ZFP64: variants seen among roughly 807,000 people sequenced by gnomAD.
ZFP64 encodes the protein ZFP64 zinc finger protein.
Under a neutral mutation model 51.6 loss-of-function variants are expected in ZFP64, and 14 were observed. The observed-to-expected ratio is 0.27, with a 90% confidence interval of 0.18 to 0.42. ZFP64 has a LOEUF of 0.42. Among genes scored for constraint, ZFP64 ranks in the 10% least tolerant of loss-of-function variants. The probability of loss-of-function intolerance (pLI) is 1.00; values close to 1 mark genes in which losing one functional copy is unlikely to be tolerated. For synonymous variants in ZFP64, 375 were observed against 361.4 expected (o/e 1.04, Z -0.43); for missense variants, 754 against 906.8 (o/e 0.83, Z 2.16).
chr20:52,171,570 A>G (rs2123060981), intron 2 of ZFP64, among the ~76,000 whole-genome samples: 1 of 151,374 alleles, frequency 6.6e-6, no homozygotes, highest in South Asian at 2.1e-4. Context: ...GCTCACTGCA[A>G]CCTCCGCCTC....
At position 52,085,126 on chromosome 20, in the gene ZFP64, G is replaced by A. The variant is rs2078850699; in HGVS notation, c.1369C>T (p.Leu457Phe). The A allele has an allele frequency of 1.1e-5, 18 of 1,614,260 alleles. No individual in the cohort carries two copies. The highest frequency in any genetic ancestry group is 1.5e-5 in the Non-Finnish European group (18 of 1,180,050). The stretch of plus-strand genomic sequence containing the variant: ...TGCTTGATGCGGATGTGCGATTTGA[G>A]ATTCGCCTTCATGGTGCAGCGGACG... The change falls in exon 9 of 9, where the codon CTC becomes TTC. Residue 457 changes from leucine (L) to phenylalanine (F), a missense_variant. Physicochemically the swap from Leu to Phe is conservative, Grantham distance 22 (BLOSUM62 0). Transcript: ENST00000361387. This position sits in a 1 kb window ranked among gnomAD's most constrained non-coding sequence, Gnocchi z 4.3.
chr20:52,182,328 CT>C (rs1231859110), intron 2 of ZFP64, among the ~76,000 whole-genome samples: 1 of 152,128 alleles, frequency 6.6e-6, no homozygotes, highest in Non-Finnish European at 1.5e-5. Context: ...CAGGACTGGC[CT>C]GAGCATTCAG....
intron 7 of ZFP64, among the ~76,000 whole-genome samples, chr20:52,091,001 A>T (rs973565407): frequency 6.9e-6 from 1 of 145,186 alleles, no homozygotes; most frequent in Non-Finnish European, 1.5e-5. Flanking sequence ...GCTACTTGGG[A>T]GGCTCAGGTG....
rs1207445972 is a variant in ZFP64, at chr20:52,162,411, G to C, written c.512-2037C>G. Among the ~76,000 whole-genome samples, 3 of 151,904 alleles carry C rather than the reference G, an allele frequency of 2.0e-5. No homozygotes were observed. In the East Asian group the frequency reaches 5.8e-4, roughly 29 times the overall value. Reference sequence around the variant, plus strand: ...GGAGGCCGAGGCGGGCGGATCATGAGGTCAGGAGATCAAGACCATCGTGGC... The same window carrying C: ...GGAGGCCGAGGCGGGCGGATCATGACGTCAGGAGATCAAGACCATCGTGGC... On this transcript the variant is annotated intron_variant, in intron 4 of 5. Coordinates refer to ENST00000216923, the MANE Select transcript of ZFP64 (RefSeq NM_018197.3).
intron 8 of ZFP64, among the ~76,000 whole-genome samples, chr20:52,086,478 ATTTTTT>A (rs11476509): frequency 7.0e-6 from 1 of 142,564 alleles, no homozygotes; most frequent in South Asian, 2.2e-4. Flanking sequence ...TTCACAAGGA[ATTTTTT>A]TTTTTTTTTT....
In ZFP64 at chr20:52,084,732, G is replaced by A. The variant is rs754342890; in HGVS notation, c.1763C>T (p.Ser588Phe). Reference sequence around the variant, plus strand: ...TCTCAGAGAGTCATCCCTGACGAAGGAGGCGCCGCAGGTCTCACAGCGGAA... The same window carrying A: ...TCTCAGAGAGTCATCCCTGACGAAGAAGGCGCCGCAGGTCTCACAGCGGAA... The change falls in exon 9 of 9, where the codon TCC becomes TTC. Residue 588 changes from serine (S) to phenylalanine (F), a missense_variant. Coordinates refer to the ZFP64 transcript ENST00000361387. 1 of 1,614,236 alleles carries A rather than the reference G, an allele frequency of 6.2e-7. No individual in the cohort carries two copies. Among genetic ancestry groups the A allele is most frequent in the East Asian group, 2.2e-5 (1 of 44,884 alleles).
chr20:52,088,370 G>C, intron 8 of ZFP64: 1 of 1,610,228 alleles, frequency 6.2e-7, no homozygotes, highest in Non-Finnish European at 8.5e-7. Context: ...AAGGGATTGA[G>C]GTTTCCTGGT....
At position 52,151,391 on chromosome 20, in the gene ZFP64, T is replaced by C. The variant is rs1318343909; in HGVS notation, c.*755A>G. 1 of 985,316 alleles carries C rather than the reference T, an allele frequency of 1.0e-6. No homozygotes were observed. Among genetic ancestry groups the C allele is most frequent in the African/African-American group, 1.7e-5 (1 of 57,236 alleles). The allele number at this position is 985,316 out of a possible 1,614,324, so 61.0% of individuals were successfully genotyped here. ...GTCATATTATGTAGAAAATGGTCCT[T>C]CATGCCAACAGACTTACATGTATAA... On this transcript the variant is annotated 3_prime_UTR_variant, in exon 6 of 6. Transcript: ENST00000216923.
chr20:52,092,021 T>C (rs1349197660), intron 7 of ZFP64, among the ~76,000 whole-genome samples: 1 of 151,944 alleles, frequency 6.6e-6, no homozygotes, highest in East Asian at 1.9e-4. Flanking sequence ...ACCTATAGTC[T>C]ATAATGGCTT....
At chr20:52,167,751 C>T (rs1037883838) in intron 2 of ZFP64, among the ~76,000 whole-genome samples, 8 of 152,258 alleles carry the variant, frequency 5.3e-5, no homozygotes, top group Admixed American at 1.3e-4. Context: ...TATTCTGTTT[C>T]CCAAACTTCA....
At chr20:52,095,383 C>T (rs566714222) in intron 7 of ZFP64, among the ~76,000 whole-genome samples, 9 of 152,250 alleles carry the variant, frequency 5.9e-5, no homozygotes, top group Admixed American at 3.3e-4. Context: ...CAGCCTGGGT[C>T]CCTGAGACCA....
intron 2 of ZFP64, among the ~76,000 whole-genome samples, chr20:52,180,785 T>C (rs943606984): frequency 1.3e-5 from 2 of 152,146 alleles, no homozygotes; most frequent in African/African-American, 4.8e-5. Context: ...TTCATTTTAC[T>C]ATTGTGGAAA....
At chr20:52,130,374 C>T (rs67262858) in intron 5 of ZFP64, among the ~76,000 whole-genome samples, 30,352 of 151,956 alleles carry the variant, frequency 0.2, 3,310 homozygotes, top group Admixed American at 0.26. Context: ...CCACCATACC[C>T]GACTAATCTT....
At chr20:52,143,221 C>A (rs1375223857) in intron 5 of ZFP64, among the ~76,000 whole-genome samples, 2 of 142,692 alleles carry the variant, frequency 1.4e-5, no homozygotes, top group Admixed American at 7.3e-5. Context: ...GGTCTGGAAC[C>A]AAACTCACAA....
intron 5 of ZFP64, among the ~76,000 whole-genome samples, chr20:52,109,970 A>C (rs775191192): frequency 1.3e-5 from 2 of 152,000 alleles, no homozygotes; most frequent in Non-Finnish European, 2.9e-5. Flanking sequence ...TTACTTCTTC[A>C]TTCTTCATAT....
intron 5 of ZFP64, among the ~76,000 whole-genome samples, chr20:52,155,096 C>T (rs1555328): frequency 6.6e-6 from 1 of 151,912 alleles, no homozygotes; most frequent in African/African-American, 2.4e-5. Context: ...ATAGTTATTA[C>T]AGAGAAAAAA....
At position 52,105,124 on chromosome 20, in the gene ZFP64, C is replaced by A. The variant is rs748078538; in HGVS notation, c.764-6537G>T. 6 of 1,418,160 alleles carry A rather than the reference C, an allele frequency of 4.2e-6. No homozygotes were observed. The Admixed American group carries it at 1.6e-4, about 38-fold the overall frequency. 87.8% of individuals were successfully genotyped at this position (1,418,160 alleles called of 1,614,324 possible). ...GCCCCCGGGCGGGGCTCCAGCGGCG[C>A]TACTCACCCGGCTCCCCCGCCACCT... On this transcript the variant is annotated intron_variant, in intron 5 of 8. Coordinates refer to the ZFP64 transcript ENST00000361387.
intron 1 of ZFP64, among the ~76,000 whole-genome samples, chr20:52,187,392 C>T (rs977086321): frequency 1.3e-5 from 2 of 151,986 alleles, no homozygotes; most frequent in East Asian, 1.9e-4. Context: ...GAGGCTGAGG[C>T]GGGCGGATCA....
rs2123134080 is a variant in ZFP64, at chr20:52,187,131, G to A, written c.47-60C>T. On this transcript the variant is annotated intron_variant, in intron 1 of 5. Transcript: ENST00000216923. ...CCAAACAGCTTTGAATTGTAATGCA[G>A]ACCAGATTCATGGTAGGAAGAAAAG... 3 of 1,539,364 alleles carry A rather than the reference G, an allele frequency of 1.9e-6. No individual in the cohort carries two copies. The South Asian group carries it at 3.6e-5, about 19-fold the overall frequency.
Sources: allele counts gnomAD v4.1 joint callset (sites outside exome capture counted in the v4.1 genomes callset), GRCh38; gene constraint gnomAD v4.1.1; non-coding constraint Gnocchi (gnomAD v3.1); transcripts MANE v1.5; gene names NCBI Gene and HGNC (gene_info 2026-07-23, HGNC 2026-07-21).